The following AUH variants were observed in gnomAD, a reference collection of about 807,000 sequenced individuals.
AUH encodes methylglutaconyl-CoA hydratase, mitochondrial.
AUH carries 29 observed loss-of-function variants against 42.3 expected under a neutral mutation model. That is an observed-to-expected ratio of 0.69 (90% CI 0.51 to 0.93). AUH has a LOEUF of 0.93. AUH is among the 40% of genes least tolerant of loss of function. The pLI is 0.00. For missense variants in AUH, 452 were observed against 438.1 expected, an observed-to-expected ratio of 1.03 and a Z score of -0.28; for synonymous variants, 174 against 166.4, an observed-to-expected ratio of 1.05 and a Z score of -0.35.
At chr9:91,353,648 G>C (rs1832169209) in intron 3 of AUH, among the ~76,000 whole-genome samples, 1 of 151,532 alleles carries the variant, frequency 6.6e-6, no homozygotes, top group African/African-American at 2.4e-5. Context: ...GACCATCCTG[G>C]CTAATACAGT....
chr9:91,315,594 T>C (rs940642773), intron 4 of AUH, among the ~76,000 whole-genome samples: 2 of 152,150 alleles, frequency 1.3e-5, no homozygotes, highest in Admixed American at 6.5e-5. Context: ...CATTCTTCAG[T>C]TGACAGTAAG....
chr9:91,357,800 T>C (rs536151133), intron 1 of AUH, among the ~76,000 whole-genome samples: 3 of 152,318 alleles, frequency 2.0e-5, no homozygotes, highest in South Asian at 4.1e-4. Context: ...CTGAATGTCC[T>C]GTAACCTACG....
chr9:91,290,008 A>G (rs1222368506), intron 6 of AUH, among the ~76,000 whole-genome samples: 2 of 152,116 alleles, frequency 1.3e-5, no homozygotes, highest in Non-Finnish European at 2.9e-5. Flanking sequence ...ACGAAAATGA[A>G]TCTGATTTTC....
At position 91,352,378 on chromosome 9, in the gene AUH, T is replaced by C. The variant is rs570570824; in HGVS notation, c.418+3505A>G. ...ACATGACTGTATTTGTGTATATATA[T>C]ACATATATATAAAATAAAGTAAAAT... On this transcript the variant is annotated intron_variant, in intron 3 of 9. Coordinates refer to ENST00000375731, the MANE Select transcript of AUH (RefSeq NM_001698.3). Among the ~76,000 whole-genome samples, 6 of 152,018 alleles carry C rather than the reference T, an allele frequency of 3.9e-5. No homozygotes were observed. In the East Asian group the frequency reaches 1.2e-3, roughly 29 times the overall value.
intron 6 of AUH, among the ~76,000 whole-genome samples, chr9:91,225,947 T>C (rs1037542748): frequency 6.6e-6 from 1 of 150,392 alleles, no homozygotes; most frequent in Non-Finnish European, 1.5e-5. Flanking sequence ...ATCCAGTCTA[T>C]CATTGTTGGA....
At chr9:91,357,102 C>T (rs548867144) in intron 1 of AUH, among the ~76,000 whole-genome samples, 1 of 152,214 alleles carries the variant, frequency 6.6e-6, no homozygotes, top group East Asian at 1.9e-4. Context: ...ATTCCAAATG[C>T]TCTCAGTACA....
rs1829883376 is a variant in AUH at position 91,325,201 on chromosome 9, C to T, written c.505+117G>A. 3.7e-6 allele frequency: 3 copies of T among 800,926 alleles called. No homozygotes were observed. The Admixed American group carries it at 6.4e-5, about 17-fold the overall frequency. The allele number at this position is 800,926 out of a possible 1,614,324, so 49.6% of individuals were successfully genotyped here. ...AGTGTCACGTTAAACAGCTATAGGT[C>T]ATGATTATCTAATTATATAAATATT... is the stretch of plus-strand genomic sequence containing the variant. On this transcript the variant is annotated intron_variant, in intron 4 of 9. Transcript: ENST00000375731.
chr9:91,249,390 C>T (rs1386207944), intron 6 of AUH, among the ~76,000 whole-genome samples: 1 of 149,674 alleles, frequency 6.7e-6, no homozygotes, highest in East Asian at 2.0e-4. Context: ...ACTGGACCCA[C>T]ATGGCTCTGT....
Position 91,323,546 on chromosome 9 carries a change from C to T in AUH, c.505+1772G>A, listed in dbSNP as rs143007504. On this transcript the variant is annotated intron_variant, in intron 4 of 9. Coordinates refer to ENST00000375731, the MANE Select transcript of AUH (RefSeq NM_001698.3). ...GCTGAGGCAGGAGAATTGCTTGAACCTGGGATGCGGAGGTTGCAGTGAGCT... is the reference window on the plus strand; with the variant it reads ...GCTGAGGCAGGAGAATTGCTTGAACTTGGGATGCGGAGGTTGCAGTGAGCT... 4.5e-3 allele frequency among the ~76,000 whole-genome samples: 676 copies of T among 151,804 alleles called. 7 individuals are homozygous for T. The highest frequency in any genetic ancestry group is 0.016 in the African/African-American group (658 of 41,350).
intron 6 of AUH, among the ~76,000 whole-genome samples, chr9:91,292,784 G>C (rs1000464793): frequency 2.0e-5 from 3 of 152,008 alleles, no homozygotes; most frequent in East Asian, 1.9e-4. Flanking sequence ...GCTAAAAATA[G>C]GGCATACAGG....
chr9:91,227,026 G>A (rs1316681337), intron 6 of AUH, among the ~76,000 whole-genome samples: 1 of 151,880 alleles, frequency 6.6e-6, no homozygotes, highest in Non-Finnish European at 1.5e-5. Flanking sequence ...GAATGACTTG[G>A]CAATGCGGGC....
In AUH at chr9:91,220,844, G is replaced by A. The variant is rs775342115; in HGVS notation, c.804C>T (p.Tyr268=). 6.2e-7 allele frequency: 1 copy of A among 1,614,244 alleles called. No homozygotes were observed. Among genetic ancestry groups the A allele is most frequent in the African/African-American group, 1.3e-5 (1 of 75,072 alleles). Residue 268 remains tyrosine, a synonymous_variant, in exon 7 of 10, where the codon TAC becomes TAT. Transcript: ENST00000375731. ...LEQNQEGDAA[Y]RKALDLAREF... ...CTCTCGCCAGGTCCAAGGCCTTCCT[G>A]TAGGCCGCGTCTCCCTCCTGGTTCT...
At chr9:91,302,628 G>A (rs996407377) in intron 4 of AUH, among the ~76,000 whole-genome samples, 3 of 151,568 alleles carry the variant, frequency 2.0e-5, no homozygotes, top group Admixed American at 2.0e-4. Flanking sequence ...AAATTAGCCA[G>A]ACATGGTGGT....
intron 4 of AUH, among the ~76,000 whole-genome samples, chr9:91,301,309 A>C (rs2131685364): frequency 6.6e-6 from 1 of 152,336 alleles, no homozygotes; most frequent in South Asian, 2.1e-4. Flanking sequence ...CCAGACACAC[A>C]GCTCTTAAAA....
At chr9:91,277,219 G>T (rs1313846763) in intron 6 of AUH, among the ~76,000 whole-genome samples, 1 of 152,084 alleles carries the variant, frequency 6.6e-6, no homozygotes, top group Non-Finnish European at 1.5e-5. Context: ...CTATAAAAAT[G>T]GATGCATAAA....
At chr9:91,294,602 A>G (rs921143608) in intron 6 of AUH, 1 of 429,052 alleles carries the variant, frequency 2.3e-6, no homozygotes, top group Non-Finnish European at 4.7e-6. Flanking sequence ...TGCCATAGAC[A>G]GTGATTCCTC....
At chr9:91,304,014 G>C (rs1223898101) in intron 4 of AUH, among the ~76,000 whole-genome samples, 2 of 152,166 alleles carry the variant, frequency 1.3e-5, no homozygotes, top group Non-Finnish European at 2.9e-5. Context: ...AAAGTGAGAA[G>C]TCTCAGGCAC....
At chr9:91,248,969 T>C (rs956777445) in intron 6 of AUH, among the ~76,000 whole-genome samples, 2 of 152,110 alleles carry the variant, frequency 1.3e-5, no homozygotes, top group East Asian at 3.9e-4. Flanking sequence ...GATACCTCCA[T>C]GTAAATTATG....
rs562533981 is a variant in AUH, at chr9:91,361,667, C to T, written c.223G>A (p.Asp75Asn). 5 of 1,581,004 alleles carry T rather than the reference C, an allele frequency of 3.2e-6. 1 individual carries two copies. In the South Asian group the frequency reaches 3.5e-5, roughly 11 times the overall value. ...RGYSSEMKTEDELRVRHLEEE... is the reference protein window; with the variant it reads ...RGYSSEMKTENELRVRHLEEE... ...TCCAGGTGCCGCACCCGCAGCTCGTCCTCCGTCTTCATCTCAGAGCTGTAG... is the reference window on the plus strand; with the variant it reads ...TCCAGGTGCCGCACCCGCAGCTCGTTCTCCGTCTTCATCTCAGAGCTGTAG... The change falls in exon 1 of 10, where the codon GAC becomes AAC. Residue 75 changes from aspartate to asparagine, a missense_variant. Asp to Asn is a conservative substitution (Grantham distance 23). Coordinates refer to ENST00000375731, the MANE Select transcript of AUH (RefSeq NM_001698.3).
Sources: allele counts gnomAD v4.1 joint callset (sites outside exome capture counted in the v4.1 genomes callset), GRCh38; gene constraint gnomAD v4.1.1; transcripts MANE v1.5; gene names NCBI Gene and HGNC (gene_info 2026-07-23, HGNC 2026-07-21).